The following TRAPPC9 variants were observed in gnomAD, a reference collection of about 807,000 sequenced individuals.
TRAPPC9 encodes trafficking protein particle complex subunit 9.
Under a neutral mutation model 124.0 loss-of-function variants are expected in TRAPPC9, and 83 were observed. That is an observed-to-expected ratio of 0.67 (90% CI 0.56 to 0.80). The LOEUF is 0.80. Ranked by LOEUF, TRAPPC9 falls within the 30% of genes least tolerant of loss-of-function variation. The probability of loss-of-function intolerance (pLI) is 0.00; values close to 1 mark genes in which losing one functional copy is unlikely to be tolerated. For missense variants in TRAPPC9, 1,302 were observed against 1,508.3 expected (o/e 0.86, Z 2.27); for synonymous variants, 638 against 617.5 (o/e 1.03, Z -0.49).
At chr8:140,032,069 G>A (rs543791889) in intron 17 of TRAPPC9, among the ~76,000 whole-genome samples, 3 of 152,280 alleles carry the variant, frequency 2.0e-5, no homozygotes, top group South Asian at 2.1e-4. Context: ...CTGCACTTAC[G>A]CTCCAGCCAA....
intron 21 of TRAPPC9, among the ~76,000 whole-genome samples, chr8:139,854,995 C>T (rs1185776426): frequency 1.3e-5 from 2 of 152,138 alleles, no homozygotes; most frequent in African/African-American, 4.8e-5. Context: ...TCCTATCAAT[C>T]GTCTTCATTC....
intron 21 of TRAPPC9, among the ~76,000 whole-genome samples, chr8:139,874,358 C>T (rs1048678666): frequency 7.9e-5 from 12 of 152,216 alleles, no homozygotes; most frequent in African/African-American, 1.2e-4. Flanking sequence ...ACTGAGCACC[C>T]GCAGGTGCTG....
At chr8:140,452,962 G>A (rs774539056) in intron 1 of TRAPPC9, among the ~76,000 whole-genome samples, 20 of 152,202 alleles carry the variant, frequency 1.3e-4, no homozygotes, top group Non-Finnish European at 2.8e-4. Flanking sequence ...CAACATTCTG[G>A]TTGTGATAAC....
chr8:140,091,302 A>T (rs1844552469), intron 17 of TRAPPC9, among the ~76,000 whole-genome samples: 1 of 152,270 alleles, frequency 6.6e-6, no homozygotes, highest in East Asian at 1.9e-4. Flanking sequence ...AGGCTTCATA[A>T]CCCTAGGGCC....
In TRAPPC9 at chr8:139,838,223, T is replaced by C. The variant is rs527740207; in HGVS notation, c.3055+47656A>G. Among the ~76,000 whole-genome samples the C allele has an allele frequency of 7.9e-5, 12 of 152,242 alleles. 1 individual carries two copies. The highest frequency in any genetic ancestry group is 2.6e-4 in the African/African-American group (11 of 41,538). On this transcript the variant is annotated intron_variant, in intron 21 of 22. Transcript: ENST00000438773. ...CATCCTGCAGGTCTCAGCTGAAACATCTCCTCCTCCAGGAGGCTTCCCCTG... is the reference window on the plus strand; with the variant it reads ...CATCCTGCAGGTCTCAGCTGAAACACCTCCTCCTCCAGGAGGCTTCCCCTG...
At chr8:140,255,602 T>C (rs184006823) in intron 15 of TRAPPC9, among the ~76,000 whole-genome samples, 1 of 152,328 alleles carries the variant, frequency 6.6e-6, no homozygotes, top group East Asian at 1.9e-4. Flanking sequence ...CGAGAAGCTG[T>C]GGACCGGGCG....
chr8:139,770,358 A>T (rs1299401042), intron 21 of TRAPPC9, among the ~76,000 whole-genome samples: 1 of 152,192 alleles, frequency 6.6e-6, no homozygotes, highest in East Asian at 1.9e-4. Context: ...TTTGAGACTC[A>T]CATTTCTTTC....
intron 21 of TRAPPC9, among the ~76,000 whole-genome samples, chr8:139,762,430 C>T (rs556991238): frequency 1.7e-4 from 26 of 152,164 alleles, no homozygotes; most frequent in Non-Finnish European, 3.1e-4. Flanking sequence ...AGAGGGCACT[C>T]ACACGAGCCT....
chr8:139,831,035 G>A (rs949703775), intron 21 of TRAPPC9, among the ~76,000 whole-genome samples: 26 of 152,236 alleles, frequency 1.7e-4, no homozygotes, highest in African/African-American at 6.3e-4. Context: ...ACCTTGGGAA[G>A]CGGGAGCACT....
chr8:139,937,343 A>G (rs150609521), intron 19 of TRAPPC9, among the ~76,000 whole-genome samples: 39 of 152,272 alleles, frequency 2.6e-4, no homozygotes, highest in African/African-American at 8.7e-4. Flanking sequence ...TTCTCTCTGG[A>G]TGCTGGGATT....
chr8:140,352,608 A>G (rs1429286229), intron 9 of TRAPPC9, among the ~76,000 whole-genome samples: 1 of 152,114 alleles, frequency 6.6e-6, no homozygotes, highest in Non-Finnish European at 1.5e-5. Context: ...CCCCGGTTAC[A>G]CTGGCCGCCG....
rs115589659 is a variant in TRAPPC9, at chr8:140,336,208, G to A, written c.1495+23842C>T. Among the ~76,000 whole-genome samples, 623 of 152,158 alleles carry A rather than the reference G, an allele frequency of 4.1e-3. 1 individual carries two copies. Among genetic ancestry groups the A allele is most frequent in the African/African-American group, 4.9e-3 (204 of 41,492 alleles). Reference sequence around the variant, plus strand: ...TTGTGTGTCACGTCCCTGAGGTCACGGGACTTAACAATTACAGTAAAAGCC... The same window carrying A: ...TTGTGTGTCACGTCCCTGAGGTCACAGGACTTAACAATTACAGTAAAAGCC... On this transcript the variant is annotated intron_variant, in intron 9 of 22. Coordinates refer to ENST00000438773, the MANE Select transcript of TRAPPC9 (RefSeq NM_001160372.4).
chr8:140,279,961 T>A (rs1329766591), intron 14 of TRAPPC9, among the ~76,000 whole-genome samples: 1 of 152,226 alleles, frequency 6.6e-6, no homozygotes, highest in Non-Finnish European at 1.5e-5. Context: ...CCCGCCCTTT[T>A]GCTGGAGCGC....
chr8:140,030,038 C>G (rs980945865), intron 17 of TRAPPC9, among the ~76,000 whole-genome samples: 3 of 152,072 alleles, frequency 2.0e-5, no homozygotes, highest in Non-Finnish European at 4.4e-5. Flanking sequence ...AAAAGAAAAG[C>G]TGAATGATCA....
chr8:139,910,179 T>C lies in TRAPPC9; in HGVS notation c.2932A>G (p.Ile978Val), dbSNP rs776067419. The C allele has an allele frequency of 6.2e-7, 1 of 1,613,784 alleles. No individual in the cohort carries two copies. The change falls in exon 20 of 23, where the codon ATC (isoleucine) becomes GTC (valine). Residue 978 changes from isoleucine (I) to valine (V), a missense_variant. Ile to Val is a conservative substitution (Grantham distance 29, BLOSUM62 3). Coordinates refer to ENST00000438773, the MANE Select transcript of TRAPPC9 (RefSeq NM_001160372.4). ...EERREARGLEIHSKLGICWRI... is the reference protein window; with the variant it reads ...EERREARGLEVHSKLGICWRI... The stretch of plus-strand genomic sequence containing the variant: ...CAGCAGATGCCCAGCTTGCTGTGGA[T>C]CTCCAGGCCTCGGGCTTCCCGCCGC...
chr8:140,069,086 C>T (rs762777192), intron 17 of TRAPPC9, among the ~76,000 whole-genome samples: 2 of 152,184 alleles, frequency 1.3e-5, no homozygotes, highest in Non-Finnish European at 2.9e-5. Context: ...AGCACAGTTA[C>T]GCTTATCAAA....
chr8:139,940,635 G>A (rs908741371), intron 19 of TRAPPC9, among the ~76,000 whole-genome samples: 5 of 152,202 alleles, frequency 3.3e-5, no homozygotes, highest in African/African-American at 4.8e-5. Flanking sequence ...CAGGGGCCAC[G>A]CTCCAGCTAG....
chr8:140,362,783 A>G (rs558058457), intron 8 of TRAPPC9, among the ~76,000 whole-genome samples: 2 of 152,212 alleles, frequency 1.3e-5, no homozygotes, highest in Non-Finnish European at 1.5e-5. Context: ...GAAAGACCCA[A>G]TTTAACTAAT....
At chr8:139,822,735 G>T (rs1403113930) in intron 21 of TRAPPC9, among the ~76,000 whole-genome samples, 1 of 152,206 alleles carries the variant, frequency 6.6e-6, no homozygotes, top group Non-Finnish European at 1.5e-5. Context: ...GCTGACACAT[G>T]GAGTCTTCAG....
Sources: allele counts gnomAD v4.1 joint callset (sites outside exome capture counted in the v4.1 genomes callset), GRCh38; gene constraint gnomAD v4.1.1; transcripts MANE v1.5; gene names NCBI Gene and HGNC (gene_info 2026-07-23, HGNC 2026-07-21).